The following ZNF726 variants were observed in gnomAD, a reference collection of about 807,000 sequenced individuals.
The protein encoded by ZNF726 is zinc finger protein 726.
In ZNF726, 15 loss-of-function variants were observed where a neutral mutation model predicts 11.6. The ratio of observed to expected loss-of-function variants is 1.29; its 90% CI spans 0.86 to 1.99. The LOEUF is 1.99. ZNF726 is among the 30% of genes most tolerant of loss of function. ZNF726 has a pLI of 0.00. For synonymous variants in ZNF726, 295 were observed against 243.6 expected, an observed-to-expected ratio of 1.21 and a Z score of -1.96; for missense variants, 890 against 725.6, an observed-to-expected ratio of 1.23 and a Z score of -2.60.
chr19:23,937,830 G>A (rs938673148), downstream of ZNF726, among the ~76,000 whole-genome samples: 4 of 152,202 alleles, frequency 2.6e-5, no homozygotes, highest in African/African-American at 7.2e-5. Flanking sequence ...CCGAGATCAC[G>A]CCACTGCACT....
At chr19:23,944,475 T>C (rs1343166439) in intron 4 of ZNF726, 1 of 152,918 alleles carries the variant, frequency 6.5e-6, no homozygotes, top group Non-Finnish European at 1.5e-5. Flanking sequence ...GAAAAATGTT[T>C]ACTAATGTTA....
rs771236206 is a variant in ZNF726, at chr19:23,933,290, A to T, written c.1174A>T (p.Thr392Ser). The change falls in exon 4 of 4, where the codon ACT becomes TCT. Residue 392 changes from threonine (T) to serine (S), a missense_variant. Physicochemically the swap from Thr to Ser is moderately conservative, Grantham distance 58 (BLOSUM62 1). Transcript: ENST00000594466. ...STLTKHKRIH[T>S]GEKPYKCEEC... ...CCTAACTAAACATAAGAGGATTCAC[A>T]CTGGAGAGAAACCCTACAAATGTGA... The T allele has an allele frequency of 1.2e-6, 2 of 1,613,202 alleles. No homozygotes were observed. Among genetic ancestry groups the T allele is most frequent in the African/African-American group, 1.3e-5 (1 of 74,594 alleles).
chr19:23,935,240 C>T (rs1432229761), downstream of ZNF726: 2 of 461,816 alleles, frequency 4.3e-6, no homozygotes, highest in Non-Finnish European at 8.8e-6. Context: ...AATCTTTTAA[C>T]CTGTCTTCAA....
At chr19:23,939,268 A>G (rs899290635), downstream of ZNF726, among the ~76,000 whole-genome samples, 1 of 152,130 alleles carries the variant, frequency 6.6e-6, no homozygotes, top group Non-Finnish European at 1.5e-5. Flanking sequence ...ATAGTCTCCA[A>G]TATCATCCAG....
intron 3 of ZNF726, among the ~76,000 whole-genome samples, chr19:23,931,030 G>A (rs1048475051): frequency 3.9e-5 from 6 of 152,118 alleles, no homozygotes; most frequent in African/African-American, 1.4e-4. Flanking sequence ...GAGTGCAGTG[G>A]CGTGATCTCA....
chr19:23,936,809 G>T (rs1031988346), downstream of ZNF726, among the ~76,000 whole-genome samples: 9 of 151,626 alleles, frequency 5.9e-5, no homozygotes, highest in South Asian at 2.1e-4. Flanking sequence ...CAAGGCAGAA[G>T]AATTTTTCTT....
At chr19:23,915,043 C>G in intron 1 of ZNF726, 46 bp downstream of exon 1, 1 of 1,613,560 alleles carries the variant, frequency 6.2e-7, no homozygotes. Context: ...ACGGGGCTGG[C>G]TGGAACCGGT....
At chr19:23,922,922 CT>C (rs372633600) in intron 3 of ZNF726, among the ~76,000 whole-genome samples, 11,253 of 144,520 alleles carry the variant, frequency 0.078, 503 homozygotes, top group South Asian at 0.1. Context: ...AATAGGTCAC[CT>C]TTTTTTTTTT....
Position 23,933,099 on chromosome 19 carries a change from T to C in ZNF726, c.983T>C (p.Leu328Pro), listed in dbSNP as rs777458397. Residue 328 changes from leucine to proline, a missense_variant, in exon 4 of 4, where the codon CTA (leucine) becomes CCA (proline). By Grantham distance (98) the Leu-to-Pro change is moderately conservative (BLOSUM62 -3). Coordinates refer to ENST00000594466, the MANE Select transcript of ZNF726 (RefSeq NM_001244038.2). ...CGKAFVWSST[L>P]TRHKRLHSGE... Reference sequence around the variant, plus strand: ...AAAGCATTTGTTTGGTCCTCAACCCTAACTAGACATAAGAGGCTGCACAGT... The same window carrying C: ...AAAGCATTTGTTTGGTCCTCAACCCCAACTAGACATAAGAGGCTGCACAGT... The C allele has an allele frequency of 6.2e-7, 1 of 1,612,204 alleles. No individual in the cohort carries two copies. The highest frequency in any genetic ancestry group is 8.5e-7 in the Non-Finnish European group (1 of 1,179,922).
chr19:23,925,403 A>C (rs551362050), intron 3 of ZNF726, among the ~76,000 whole-genome samples: 1 of 152,276 alleles, frequency 6.6e-6, no homozygotes, highest in African/African-American at 2.4e-5. Flanking sequence ...CATGTTGGTC[A>C]GGCTGGTCTC....
rs914929095 is a variant in ZNF726, at chr19:23,933,748, A to C, written c.1632A>C (p.Lys544Asn). 6.2e-7 allele frequency: 1 copy of C among 1,611,922 alleles called. No homozygotes were observed. Among genetic ancestry groups the C allele is most frequent in the Non-Finnish European group, 8.5e-7 (1 of 1,179,816 alleles). Residue 544 changes from lysine to asparagine, a missense_variant, in exon 4 of 4, where the codon AAA (lysine) becomes AAC (asparagine). By Grantham distance (94) the Lys-to-Asn change is moderately conservative (BLOSUM62 0). Coordinates refer to ENST00000594466, the MANE Select transcript of ZNF726 (RefSeq NM_001244038.2). ...EKPYKCEECG[K>N]TFNQSSNLST... is the part of the protein sequence containing the mutation. ...CCTACAAATGTGAAGAATGTGGCAA[A>C]ACTTTTAATCAATCCTCAAATCTTA... is the stretch of plus-strand genomic sequence containing the variant.
chr19:23,925,483 C>T (rs1053071483), intron 3 of ZNF726, among the ~76,000 whole-genome samples: 43 of 152,148 alleles, frequency 2.8e-4, no homozygotes, highest in Non-Finnish European at 3.8e-4. Flanking sequence ...TGAGCCACCA[C>T]GCCCGGCCAA....
At position 23,933,233 on chromosome 19, in the gene ZNF726, G is replaced by T; in HGVS notation, c.1117G>T (p.Glu373Ter). Reference sequence around the variant, plus strand: ...TGGAGAGAAACCCTACAAATGTGAAGAATGTGGCAAAGCATTTATATGGCC... The same window carrying T: ...TGGAGAGAAACCCTACAAATGTGAATAATGTGGCAAAGCATTTATATGGCC... ...HTGEKPYKCE[E>*]CGKAFIWPST... is the part of the protein sequence containing the mutation. The change falls in exon 4 of 4, where the codon GAA becomes TAA. Residue 373 changes from glutamate (E) to a stop codon, truncating the protein, a stop_gained. Transcript: ENST00000594466. LOFTEE classifies it low-confidence loss of function (END_TRUNC). 6.2e-7 allele frequency: 1 copy of T among 1,613,238 alleles called. No individual in the cohort carries two copies. The highest frequency in any genetic ancestry group is 8.5e-7 in the Non-Finnish European group (1 of 1,179,980).
At chr19:23,931,037 C>G (rs775979240) in intron 3 of ZNF726, among the ~76,000 whole-genome samples, 1 of 152,178 alleles carries the variant, frequency 6.6e-6, no homozygotes, top group Admixed American at 6.5e-5. Flanking sequence ...GTGGCGTGAT[C>G]TCAGCTCACT....
chr19:23,932,358 T>C lies in ZNF726; in HGVS notation c.242T>C (p.Phe81Ser), dbSNP rs1968125225. The change falls in exon 4 of 4, where the codon TTT becomes TCT. Residue 81 changes from phenylalanine (F) to serine (S), a missense_variant. Physicochemically the swap from Phe to Ser is radical, Grantham distance 155 (BLOSUM62 -2). Transcript: ENST00000594466. ...TTTTTTTTAGGTATATGTCCTCATT[T>C]TGCTCAAGACATTTGGCCAGAGCAG... ...VDEPPGICPH[F>S]AQDIWPEQGV... 3 of 1,422,658 alleles carry C rather than the reference T, an allele frequency of 2.1e-6. No homozygotes were observed. The allele number at this position is 1,422,658 out of a possible 1,614,324, so 88.1% of individuals were successfully genotyped here.
intron 3 of ZNF726, chr19:23,928,023 AG>A (rs933611061): frequency 6.6e-6 from 1 of 152,170 alleles, no homozygotes; most frequent in Non-Finnish European, 1.5e-5. Context: ...AAGTCCTCAT[AG>A]ATAGCTTGGC....
At chr19:23,916,221 C>G (rs1291691803) in intron 1 of ZNF726, among the ~76,000 whole-genome samples, 2 of 152,160 alleles carry the variant, frequency 1.3e-5, no homozygotes, top group Admixed American at 6.5e-5. Flanking sequence ...TACTAAATTT[C>G]CAGTTTTGTC....
At position 23,933,987 on chromosome 19, in the gene ZNF726, A is replaced by G; in HGVS notation, c.*20A>G. 3 of 1,579,464 alleles carry G rather than the reference A, an allele frequency of 1.9e-6. No homozygotes were observed. The highest frequency in any genetic ancestry group is 2.6e-6 in the Non-Finnish European group (3 of 1,161,486). ...ACTTGAGAGAAACCTTAAAAAGGGT[A>G]AAGAATGTGGCAAAGCATTTATATG... On this transcript the variant is annotated 3_prime_UTR_variant, in exon 4 of 4. Transcript: ENST00000594466.
chr19:23,934,410 C>T lies in ZNF726; in HGVS notation c.*443C>T, dbSNP rs892763438. On this transcript the variant is annotated 3_prime_UTR_variant, in exon 4 of 4. Transcript: ENST00000594466. ...TACAAATGTGAAAAATGTGTCAAAG[C>T]CTTTAAGCAGTCTTCAATCCTGAGT... 1.4e-5 allele frequency: 7 copies of T among 482,902 alleles called. No homozygotes were observed. Among genetic ancestry groups the T allele is most frequent in the Admixed American group, 7.1e-5 (3 of 42,532 alleles). 29.9% of individuals were successfully genotyped at this position (482,902 alleles called of 1,614,324 possible). A position where few individuals can be genotyped will look rare whatever the true frequency, so the allele number is the denominator to read the frequency against.
Sources: allele counts gnomAD v4.1 joint callset (sites outside exome capture counted in the v4.1 genomes callset), GRCh38; gene constraint gnomAD v4.1.1; transcripts MANE v1.5; gene names NCBI Gene and HGNC (gene_info 2026-07-23, HGNC 2026-07-21).